RHOT1: variants seen among roughly 807,000 people sequenced by gnomAD.
RHOT1 encodes mitochondrial Rho GTPase 1.
A neutral mutation model predicts 95.3 loss-of-function variants in RHOT1; 27 were observed. The observed-to-expected ratio is 0.28, with a 90% CI of 0.21 to 0.39. The LOEUF (loss-of-function observed/expected upper bound fraction) is 0.39, where lower values mean the gene tolerates loss of function less well. Ranked by LOEUF, RHOT1 falls within the 10% of genes least tolerant of loss-of-function variation. RHOT1 has a pLI of 1.00. For synonymous variants in RHOT1, 227 were observed against 263.5 expected, an observed-to-expected ratio of 0.86 and a Z score of 1.34; for missense variants, 578 against 786.7, an observed-to-expected ratio of 0.73 and a Z score of 3.17.
rs2034971527 is a variant in RHOT1, at chr17:32,175,971, A to G, written c.232A>G (p.Ile78Val). The change falls in exon 5 of 20, where the codon ATC becomes GTC. Residue 78 changes from isoleucine to valine, a missense_variant. Physicochemically the swap from Ile to Val is conservative, Grantham distance 29. This residue lies in a region of RHOT1 where 51 missense variants were observed against 114.7 expected (regional missense o/e 0.44). Transcript: ENST00000545287. ...LHQEISQANV[I>V]CIVYAVNNKH... is the part of the protein sequence containing the mutation. ...TTAATTTTTCTTCTAGGCTAATGTCATCTGTATAGTGTATGCCGTTAACAA... is the reference window on the plus strand; with the variant it reads ...TTAATTTTTCTTCTAGGCTAATGTCGTCTGTATAGTGTATGCCGTTAACAA... The G allele has an allele frequency of 1.3e-6, 2 of 1,583,660 alleles. No individual in the cohort carries two copies. The highest frequency in any genetic ancestry group is 1.7e-6 in the Non-Finnish European group (2 of 1,169,328).
intron 19 of RHOT1, among the ~76,000 whole-genome samples, chr17:32,217,910 T>G (rs1332429665): frequency 6.6e-6 from 1 of 152,010 alleles, no homozygotes; most frequent in Non-Finnish European, 1.5e-5. Flanking sequence ...TTGCCCAGGC[T>G]GGAGTGCAGT....
intron 19 of RHOT1, among the ~76,000 whole-genome samples, chr17:32,223,186 T>C (rs2038935510): frequency 6.6e-6 from 1 of 151,936 alleles, no homozygotes; most frequent in African/African-American, 2.4e-5. Context: ...CTTTTGTTTC[T>C]AGGGATGTAC....
intron 1 of RHOT1, among the ~76,000 whole-genome samples, chr17:32,157,630 C>A (rs1268038460): frequency 6.6e-6 from 1 of 151,920 alleles, no homozygotes; most frequent in Non-Finnish European, 1.5e-5. Context: ...ATGGTGAAAC[C>A]CCGTTTCTAC....
At chr17:32,173,722 AAG>A in intron 2 of RHOT1, 107 bp from the exon 3 acceptor site, 31 of 779,084 alleles carry the variant, frequency 4.0e-5, no homozygotes, top group Non-Finnish European at 5.6e-5. Context: ...AAAAAAAAAA[AAG>A]AAAAGAAACA....
intron 1 of RHOT1, among the ~76,000 whole-genome samples, chr17:32,145,680 C>G (rs951796201): frequency 1.3e-5 from 2 of 152,056 alleles, no homozygotes; most frequent in Non-Finnish European, 2.9e-5. Context: ...TATACAGATT[C>G]ATATTTAGAA....
At chr17:32,156,899 C>T (rs367665947) in intron 1 of RHOT1, among the ~76,000 whole-genome samples, 17 of 152,316 alleles carry the variant, frequency 1.1e-4, no homozygotes, top group South Asian at 1.0e-3. Context: ...TTGTGCTAAG[C>T]ATTATATAGC....
At chr17:32,173,392 G>A (rs2034732193) in intron 2 of RHOT1, among the ~76,000 whole-genome samples, 1 of 152,138 alleles carries the variant, frequency 6.6e-6, no homozygotes, top group Non-Finnish European at 1.5e-5. Flanking sequence ...TCATGTTAGT[G>A]CTAAAAAGTT....
chr17:32,220,330 A>C (rs2038749460), intron 19 of RHOT1, among the ~76,000 whole-genome samples: 1 of 152,150 alleles, frequency 6.6e-6, no homozygotes, highest in Non-Finnish European at 1.5e-5. Flanking sequence ...CCACTGCACT[A>C]TCCAGCCTGG....
At chr17:32,221,370 CAA>C (rs397805349) in intron 19 of RHOT1, among the ~76,000 whole-genome samples, 28 of 67,962 alleles carry the variant, frequency 4.1e-4, no homozygotes, top group Admixed American at 1.0e-3. Context: ...TCGTCTGTCT[CAA>C]AAAAAAAAAA....
intron 6 of RHOT1, among the ~76,000 whole-genome samples, chr17:32,181,180 A>T (rs2035604320): frequency 6.6e-6 from 1 of 152,208 alleles, no homozygotes. Context: ...CTCTTGCAGG[A>T]TTCACAACAG....
chr17:32,193,521 G>A (rs1027825926), intron 10 of RHOT1, among the ~76,000 whole-genome samples: 1 of 152,070 alleles, frequency 6.6e-6, no homozygotes, highest in Non-Finnish European at 1.5e-5. Context: ...CAAAAAAAAA[G>A]TATCTTAAAA....
At chr17:32,151,465 A>C (rs2032278159) in intron 1 of RHOT1, 2 of 623,678 alleles carry the variant, frequency 3.2e-6, no homozygotes, top group Non-Finnish European at 5.8e-6. Flanking sequence ...TGTTGATGAA[A>C]GAGTCTAGCT....
At chr17:32,175,731 A>G (rs903383032) in intron 4 of RHOT1, among the ~76,000 whole-genome samples, 5 of 152,126 alleles carry the variant, frequency 3.3e-5, no homozygotes, top group African/African-American at 1.2e-4. Context: ...TTAATTACCA[A>G]AAGTTCTTTT....
chr17:32,183,059 A>G (rs2035765497), intron 7 of RHOT1, 112 bp from the exon 8 acceptor site: 1 of 865,372 alleles, frequency 1.2e-6, no homozygotes, highest in Non-Finnish European at 1.8e-6. Context: ...GTCCACAAAG[A>G]TGCATTTTTC....
intron 13 of RHOT1, among the ~76,000 whole-genome samples, chr17:32,200,438 C>T (rs1273706432): frequency 1.3e-5 from 2 of 152,214 alleles, no homozygotes; most frequent in South Asian, 4.1e-4. Context: ...ATCTTGCATT[C>T]TTCTCCCTTT....
intron 18 of RHOT1, among the ~76,000 whole-genome samples, chr17:32,210,193 G>A (rs1001769396): frequency 1.3e-4 from 20 of 152,162 alleles, no homozygotes; most frequent in African/African-American, 4.8e-4. Flanking sequence ...GATTCATCAG[G>A]TGGCGCTCTT....
At chr17:32,207,079 T>C (rs376065960) in intron 17 of RHOT1, 50 bp downstream of exon 17, 7 of 1,545,064 alleles carry the variant, frequency 4.5e-6, no homozygotes, top group African/African-American at 1.4e-5. Flanking sequence ...TATGGACTTT[T>C]TATGGAATTG....
intron 1 of RHOT1, among the ~76,000 whole-genome samples, chr17:32,146,398 C>G (rs1263773224): frequency 6.6e-6 from 1 of 152,036 alleles, no homozygotes; most frequent in Non-Finnish European, 1.5e-5. Context: ...AACCACTCCT[C>G]TTTGTCATAA....
At chr17:32,177,190 T>A (rs938926396) in intron 6 of RHOT1, among the ~76,000 whole-genome samples, 1 of 152,230 alleles carries the variant, frequency 6.6e-6, no homozygotes, top group Non-Finnish European at 1.5e-5. Context: ...TCCAGTGTAG[T>A]AGGCTCTCGT....
Sources: allele counts gnomAD v4.1 joint callset (sites outside exome capture counted in the v4.1 genomes callset), GRCh38; gene constraint gnomAD v4.1.1; regional missense constraint gnomAD v4.1.1; transcripts MANE v1.5; gene names NCBI Gene and HGNC (gene_info 2026-07-23, HGNC 2026-07-21).